Variants in ARHGAP25 observed in about 807,000 individuals in gnomAD.
ARHGAP25 encodes rho GTPase-activating protein 25.
ARHGAP25 carries 34 observed loss-of-function variants against 71.0 expected under a neutral mutation model. That is an observed-to-expected ratio of 0.48 (90% CI 0.36 to 0.64). The LOEUF (loss-of-function observed/expected upper bound fraction) is 0.64, where lower values mean the gene tolerates loss of function less well. ARHGAP25 is among the 30% of genes least tolerant of loss of function. The pLI is 0.00. For synonymous variants in ARHGAP25, 282 were observed against 296.5 expected (o/e 0.95, Z 0.50); for missense variants, 706 against 805.1 (o/e 0.88, Z 1.49).
chr2:68,783,549 G>T (rs544909929), intron 3 of ARHGAP25, among the ~76,000 whole-genome samples: 1 of 151,484 alleles, frequency 6.6e-6, no homozygotes, highest in African/African-American at 2.4e-5. Context: ...TGCAGCCTCT[G>T]CCTCCCCAGT....
chr2:68,781,969 T>C (rs1678371499), intron 2 of ARHGAP25, among the ~76,000 whole-genome samples: 1 of 152,200 alleles, frequency 6.6e-6, no homozygotes, highest in African/African-American at 2.4e-5. Context: ...AGGCAAGTAT[T>C]GGTGATGACA....
At chr2:68,752,976 G>C (rs1391401115) in intron 1 of ARHGAP25, among the ~76,000 whole-genome samples, 1 of 152,058 alleles carries the variant, frequency 6.6e-6, no homozygotes, top group Non-Finnish European at 1.5e-5. Context: ...ATGCATTGTA[G>C]GGTAGTCCCT....
At position 68,822,705 on chromosome 2, in the gene ARHGAP25, C is replaced by T. The variant is rs752074689; in HGVS notation, c.1566C>T (p.Ser522=). The change falls in exon 10 of 11, where the codon TCC becomes TCT. Residue 522 remains serine, a synonymous_variant. Transcript: ENST00000409202. ...GGGAGGAAGCCAGTGCACTCTCTTC[C>T]CAAGCCTGTGACTCCAAGGGAGATA... is the stretch of plus-strand genomic sequence containing the variant. ...SPGEEASALS[S]QACDSKGDTL... 1.2e-6 allele frequency: 2 copies of T among 1,614,064 alleles called. No homozygotes were observed. Among genetic ancestry groups the T allele is most frequent in the African/African-American group, 2.7e-5 (2 of 74,920 alleles).
At chr2:68,721,023 T>A (rs1372808804) in intron 2 of ARHGAP25, among the ~76,000 whole-genome samples, 1 of 152,196 alleles carries the variant, frequency 6.6e-6, no homozygotes, top group Non-Finnish European at 1.5e-5. Flanking sequence ...TCCTCATTGC[T>A]TTTTCCCTCC....
chr2:68,818,109 C>T, intron 8 of ARHGAP25, 115 bp downstream of exon 8: 4 of 1,390,380 alleles, frequency 2.9e-6, no homozygotes, highest in Non-Finnish European at 4.0e-6. Flanking sequence ...GGTTATCAAT[C>T]TCATCTGAAT....
At chr2:68,816,059 A>G in intron 6 of ARHGAP25, 1 of 568,078 alleles carries the variant, frequency 1.8e-6, no homozygotes, top group Non-Finnish European at 3.2e-6. Flanking sequence ...GCATAATTAC[A>G]TATAAATAAA....
intron 4 of ARHGAP25, among the ~76,000 whole-genome samples, chr2:68,803,455 G>A (rs779056456): frequency 2.0e-5 from 3 of 152,098 alleles, no homozygotes; most frequent in Non-Finnish European, 4.4e-5. Flanking sequence ...GATAAGTGAG[G>A]AAGTGGGGCA....
At chr2:68,788,837 G>A (rs1406438701) in intron 4 of ARHGAP25, among the ~76,000 whole-genome samples, 1 of 152,102 alleles carries the variant, frequency 6.6e-6, no homozygotes, top group East Asian at 1.9e-4. Context: ...GGCTTTCGTA[G>A]TTTGAATATT....
At chr2:68,780,593 CT>C (rs1417365298) in intron 2 of ARHGAP25, among the ~76,000 whole-genome samples, 2 of 151,168 alleles carry the variant, frequency 1.3e-5, no homozygotes, top group Non-Finnish European at 3.0e-5. Flanking sequence ...TCTTCTCCTC[CT>C]TCCCCTTCCC....
At position 68,813,426 on chromosome 2, in the gene ARHGAP25, A is replaced by G; in HGVS notation, c.807+7A>G. ...GAATGCGGATGAGGCAAAGGTTTGC[A>G]TCTTAGAGTTAGTTGTCCTGCCTTA... On this transcript the variant is annotated splice_region_variant and intron_variant, in intron 6 of 10. Transcript: ENST00000409202. 6.2e-7 allele frequency: 1 copy of G among 1,610,134 alleles called. No individual in the cohort carries two copies. The highest frequency in any genetic ancestry group is 8.5e-7 in the Non-Finnish European group (1 of 1,178,834).
chr2:68,762,621 C>T (rs1558620613), intron 1 of ARHGAP25, among the ~76,000 whole-genome samples: 2 of 152,082 alleles, frequency 1.3e-5, no homozygotes, highest in Admixed American at 6.6e-5. Flanking sequence ...GTTTGTGCAT[C>T]TCTGGTTCCT....
rs756773730 is a variant in ARHGAP25, at chr2:68,822,370, G to A, written c.1231G>A (p.Gly411Arg). ...CGACTCTGATACAACCAGCCCCACC[G>A]GACAGCAGCCGAGCGATGCGTTTCC... ...TSDSDTTSPT[G>R]QQPSDAFPED... The change falls in exon 10 of 11, where the codon GGA (glycine) becomes AGA (arginine). Residue 411 changes from glycine to arginine, a missense_variant. Coordinates refer to ENST00000409202, the MANE Select transcript of ARHGAP25 (RefSeq NM_001007231.3). The A allele has an allele frequency of 1.5e-5, 25 of 1,614,066 alleles. No homozygotes were observed. The highest frequency in any genetic ancestry group is 1.3e-4 in the Admixed American group (8 of 60,024).
intron 2 of ARHGAP25, among the ~76,000 whole-genome samples, chr2:68,712,621 C>G (rs1468609779): frequency 6.6e-6 from 1 of 152,090 alleles, no homozygotes; most frequent in East Asian, 1.9e-4. Context: ...AGGTTTTCTT[C>G]TAGGGTTTTT....
chr2:68,783,642 TTAG>T, intron 3 of ARHGAP25, among the ~76,000 whole-genome samples: 1 of 152,084 alleles, frequency 6.6e-6, no homozygotes, highest in East Asian at 1.9e-4. Flanking sequence ...TTTTGTATTT[TTAG>T]TAGAGACAGG....
Position 68,759,960 on chromosome 2 carries a change from C to T in ARHGAP25, c.62-15261C>T, listed in dbSNP as rs77393366. On this transcript the variant is annotated intron_variant, in intron 1 of 10. Coordinates refer to ENST00000409202, the MANE Select transcript of ARHGAP25 (RefSeq NM_001007231.3). ...ACAAAATGCTACAACAGAAAAATGA[C>T]GCAACTGCACAATAAAAGATTATAA... Among the ~76,000 whole-genome samples the T allele has an allele frequency of 8.6e-3, 1,310 of 151,948 alleles. 19 individuals are homozygous for T. The highest frequency in any genetic ancestry group is 0.03 in the African/African-American group (1,239 of 41,502).
chr2:68,716,661 T>A (rs764926316), intron 2 of ARHGAP25, among the ~76,000 whole-genome samples: 7 of 152,254 alleles, frequency 4.6e-5, no homozygotes, highest in Non-Finnish European at 8.8e-5. Flanking sequence ...TGAGAATGTA[T>A]ATACATCGTT....
chr2:68,809,383 A>G (rs1002659668), intron 5 of ARHGAP25, among the ~76,000 whole-genome samples: 1 of 152,196 alleles, frequency 6.6e-6, no homozygotes. Flanking sequence ...GACAAAACCA[A>G]TAACTCAAGA....
chr2:68,798,723 A>G (rs574236450), intron 4 of ARHGAP25, among the ~76,000 whole-genome samples: 7 of 152,314 alleles, frequency 4.6e-5, no homozygotes, highest in African/African-American at 1.7e-4. Context: ...ATTAAGCTTA[A>G]CTCTGGAAGG....
chr2:68,710,716 C>T (rs1421585420), intron 2 of ARHGAP25: 1 of 152,204 alleles, frequency 6.6e-6, no homozygotes, highest in African/African-American at 2.4e-5. Context: ...ACAGCTCCTT[C>T]TCAGAAGGTC....
Sources: allele counts gnomAD v4.1 joint callset (sites outside exome capture counted in the v4.1 genomes callset), GRCh38; gene constraint gnomAD v4.1.1; transcripts MANE v1.5; gene names NCBI Gene and HGNC (gene_info 2026-07-23, HGNC 2026-07-21).